CHRNA7: variants seen among roughly 807,000 people sequenced by gnomAD.
CHRNA7 encodes the protein cholinergic receptor nicotinic alpha 7 subunit, also known as neuronal acetylcholine receptor subunit alpha-7.
A neutral mutation model predicts 48.0 loss-of-function variants in CHRNA7; 17 were observed. The ratio of observed to expected loss-of-function variants is 0.35; its 90% CI spans 0.24 to 0.53. CHRNA7 has a LOEUF of 0.53. Ranked by LOEUF, CHRNA7 falls within the 20% of genes least tolerant of loss-of-function variation. CHRNA7 has a pLI of 0.92. For synonymous variants in CHRNA7, 75 were observed against 242.3 expected, an observed-to-expected ratio of 0.31 and a Z score of 6.41; for missense variants, 155 against 577.7, an observed-to-expected ratio of 0.27 and a Z score of 7.50.
intron 4 of CHRNA7, among the ~76,000 whole-genome samples, chr15:32,127,471 A>AT (rs957595109): frequency 8.6e-5 from 13 of 151,782 alleles, no homozygotes; most frequent in African/African-American, 2.4e-4. Context: ...TGTTATCACT[A>AT]TTTTTTTTAT....
chr15:32,112,454 A>G, intron 4 of CHRNA7: 5 of 420,430 alleles, frequency 1.2e-5, no homozygotes, highest in South Asian at 8.6e-5. Context: ...TCCTGAGGTC[A>G]GGAAATAAGG....
chr15:32,047,097 G>A (rs1331395336), intron 2 of CHRNA7, among the ~76,000 whole-genome samples: 1 of 146,000 alleles, frequency 6.8e-6, no homozygotes, highest in African/African-American at 2.7e-5. Flanking sequence ...TTTGAAGTCA[G>A]GTAGCGTGAT....
At chr15:32,101,251 T>G in intron 2 of CHRNA7, 52 bp from the exon 3 acceptor site, 3 of 1,569,418 alleles carry the variant, frequency 1.9e-6, no homozygotes, top group Admixed American at 1.9e-5. Context: ...GTCTCATTCT[T>G]TCTTTTGTAA....
At chr15:32,143,754 T>G (rs2051429816) in intron 4 of CHRNA7, among the ~76,000 whole-genome samples, 1 of 152,212 alleles carries the variant, frequency 6.6e-6, no homozygotes, top group Non-Finnish European at 1.5e-5. Context: ...GCTTTTTTTT[T>G]GCATTCCATT....
At chr15:32,087,607 C>G (rs936650197) in intron 2 of CHRNA7, among the ~76,000 whole-genome samples, 1 of 152,128 alleles carries the variant, frequency 6.6e-6, no homozygotes, top group Non-Finnish European at 1.5e-5. Flanking sequence ...CGTATGTATC[C>G]TTATTAAGCT....
chr15:32,112,122 T>G, intron 4 of CHRNA7: 4 of 627,926 alleles, frequency 6.4e-6, no homozygotes, highest in East Asian at 2.9e-5. Flanking sequence ...CTGGCTAGCC[T>G]GCTACTTAAG....
At chr15:32,131,989 C>T (rs910401437) in intron 4 of CHRNA7, among the ~76,000 whole-genome samples, 10 of 152,144 alleles carry the variant, frequency 6.6e-5, no homozygotes, top group Non-Finnish European at 1.3e-4. Flanking sequence ...CAGCAGGAGG[C>T]GGCTGGGTCA....
chr15:32,144,180 C>G (rs2051439197), intron 4 of CHRNA7, among the ~76,000 whole-genome samples: 1 of 152,132 alleles, frequency 6.6e-6, no homozygotes. Flanking sequence ...ACTTATGAAG[C>G]TTGGTTTGGC....
intron 2 of CHRNA7, among the ~76,000 whole-genome samples, chr15:32,065,765 A>G (rs1428522797): frequency 6.6e-6 from 1 of 152,108 alleles, no homozygotes; most frequent in Non-Finnish European, 1.5e-5. Flanking sequence ...GCCCACTGCA[A>G]ACACTGGGGG....
intron 2 of CHRNA7, among the ~76,000 whole-genome samples, chr15:32,046,369 T>C (rs1259113937): frequency 6.8e-6 from 1 of 147,730 alleles, no homozygotes; most frequent in African/African-American, 2.6e-5. Context: ...TTCTAACTGG[T>C]GTGAGATGGT....
intron 2 of CHRNA7, among the ~76,000 whole-genome samples, chr15:32,086,721 T>C (rs2050303394): frequency 6.6e-6 from 1 of 152,228 alleles, no homozygotes; most frequent in Admixed American, 6.5e-5. Flanking sequence ...TTGTTTCTGA[T>C]GATCTCGACA....
chr15:32,120,804 T>C (rs2141297227), intron 4 of CHRNA7, among the ~76,000 whole-genome samples: 1 of 152,208 alleles, frequency 6.6e-6, no homozygotes, highest in Middle Eastern at 3.4e-3. Flanking sequence ...CTTTTGGAGA[T>C]GAGCTTATTG....
At chr15:32,133,486 G>A (rs1192555807) in intron 4 of CHRNA7, among the ~76,000 whole-genome samples, 1 of 152,144 alleles carries the variant, frequency 6.6e-6, no homozygotes, top group African/African-American at 2.4e-5. Context: ...CCAAGAAGGC[G>A]GGAGTAAAAC....
In CHRNA7 at chr15:32,140,149, G is replaced by A. The variant is rs185396346; in HGVS notation, c.351-13758G>A. Among the ~76,000 whole-genome samples the A allele has an allele frequency of 9.5e-4, 137 of 143,514 alleles. 1 individual carries two copies. The highest frequency in any genetic ancestry group is 3.3e-3 in the African/African-American group (127 of 38,782). The allele number at this position is 143,514 out of a possible 152,430, so 94.2% of individuals were successfully genotyped here. On this transcript the variant is annotated intron_variant, in intron 4 of 9. Transcript: ENST00000306901. ...CATGTGTTCTCATTGTTCAGTTCCC[G>A]TCTATGAATGAGAACATGTGGTGTT...
At chr15:32,037,394 G>A (rs1902143887) in intron 2 of CHRNA7, among the ~76,000 whole-genome samples, 1 of 152,132 alleles carries the variant, frequency 6.6e-6, no homozygotes, top group Non-Finnish European at 1.5e-5. Context: ...CCTCAACATT[G>A]TGTTGGCTAT....
chr15:32,058,267 G>A (rs767451959), intron 2 of CHRNA7, among the ~76,000 whole-genome samples: 5 of 152,112 alleles, frequency 3.3e-5, no homozygotes, highest in Non-Finnish European at 5.9e-5. Flanking sequence ...TGCAAATTCC[G>A]TGGTCCAAGA....
intron 2 of CHRNA7, among the ~76,000 whole-genome samples, chr15:32,083,503 CATT>C (rs1461632437): frequency 3.3e-5 from 5 of 152,136 alleles, no homozygotes; most frequent in African/African-American, 7.2e-5. Context: ...TGCAAAGAAA[CATT>C]GTTGTTCTAG....
intron 4 of CHRNA7, among the ~76,000 whole-genome samples, chr15:32,136,443 A>G (rs1055928673): frequency 1.3e-5 from 2 of 151,226 alleles, no homozygotes; most frequent in Non-Finnish European, 2.9e-5. Context: ...GTGAGCTGAG[A>G]TAGCACCACT....
chr15:32,065,109 G>C (rs2049943064), intron 2 of CHRNA7, among the ~76,000 whole-genome samples: 1 of 152,192 alleles, frequency 6.6e-6, no homozygotes, highest in African/African-American at 2.4e-5. Flanking sequence ...CCAAAAGCTA[G>C]CAGCAATCTG....
Sources: gnomAD v4.1 joint callset for allele counts (sites outside exome capture counted in the v4.1 genomes callset) on GRCh38, gnomAD v4.1.1 for gene constraint, MANE v1.5 for transcripts, NCBI Gene and HGNC (gene_info 2026-07-23, HGNC 2026-07-21) for gene names.